The following ESR1 variants were observed in gnomAD, a reference collection of about 807,000 sequenced individuals.
ESR1 encodes the protein estrogen receptor.
ESR1 carries 12 observed loss-of-function variants against 52.7 expected under a neutral mutation model. The ratio of observed to expected loss-of-function variants is 0.23; its 90% confidence interval spans 0.15 to 0.37. The LOEUF is 0.37. ESR1 is among the 10% of genes least tolerant of loss of function. The probability of loss-of-function intolerance (pLI) is 1.00; values close to 1 mark genes in which losing one functional copy is unlikely to be tolerated. For missense variants in ESR1, 584 were observed against 779.7 expected (o/e 0.75, Z 2.99); for synonymous variants, 305 against 316.8 (o/e 0.96, Z 0.39).
chr6:152,009,662 G>A (rs961581743), intron 4 of ESR1, among the ~76,000 whole-genome samples: 7 of 152,088 alleles, frequency 4.6e-5, no homozygotes, highest in Admixed American at 6.6e-5. Context: ...TTTGAAAACA[G>A]TTTGACAGTT....
chr6:152,041,533 G>C (rs2045798004), intron 5 of ESR1, among the ~76,000 whole-genome samples: 1 of 152,206 alleles, frequency 6.6e-6, no homozygotes, highest in Non-Finnish European at 1.5e-5. Flanking sequence ...TGGACCCCTA[G>C]AAGTTTTACT....
chr6:151,852,642 T>TTTG (rs1306299159), intron 2 of ESR1, among the ~76,000 whole-genome samples: 2 of 150,334 alleles, frequency 1.3e-5, no homozygotes, highest in African/African-American at 4.9e-5. Flanking sequence ...AGCAGGTGTT[T>TTTG]TTTTTTTTTT....
At chr6:152,006,939 G>T (rs560212133) in intron 4 of ESR1, among the ~76,000 whole-genome samples, 1 of 152,076 alleles carries the variant, frequency 6.6e-6, no homozygotes, top group African/African-American at 2.4e-5. Flanking sequence ...CAGTGTTTCT[G>T]CTTTGAATCT....
At chr6:152,006,435 G>T (rs1331538238) in intron 4 of ESR1, among the ~76,000 whole-genome samples, 1 of 151,952 alleles carries the variant, frequency 6.6e-6, no homozygotes, top group Admixed American at 6.6e-5. Flanking sequence ...GAACGATAGG[G>T]CCCATGATCC....
chr6:151,943,336 C>T (rs193086949), intron 3 of ESR1, among the ~76,000 whole-genome samples: 688 of 151,276 alleles, frequency 4.5e-3, no homozygotes, highest in Non-Finnish European at 7.3e-3. Flanking sequence ...GCCGAGATCC[C>T]GCCACTGCAC....
At chr6:152,017,615 A>G (rs34087504) in intron 5 of ESR1, among the ~76,000 whole-genome samples, 160 of 152,070 alleles carry the variant, frequency 1.1e-3, no homozygotes, top group African/African-American at 3.7e-3. Context: ...AAAACACAAA[A>G]TATGTCCTCT....
At chr6:151,879,100 A>C (rs919976614) in intron 2 of ESR1, among the ~76,000 whole-genome samples, 2 of 152,094 alleles carry the variant, frequency 1.3e-5, no homozygotes, top group Non-Finnish European at 2.9e-5. Context: ...AGCCCTGAGC[A>C]CCTCTGGCTT....
intron 4 of ESR1, among the ~76,000 whole-genome samples, chr6:151,981,538 C>A (rs2039992671): frequency 6.6e-6 from 1 of 152,142 alleles, no homozygotes; most frequent in Non-Finnish European, 1.5e-5. Flanking sequence ...CTGATGGATG[C>A]TGAGTTTTTC....
chr6:152,004,951 T>C (rs776861978), intron 4 of ESR1, among the ~76,000 whole-genome samples: 2 of 152,070 alleles, frequency 1.3e-5, no homozygotes, highest in Non-Finnish European at 2.9e-5. Flanking sequence ...CTTCAATTTT[T>C]TCTCAAATGA....
At chr6:151,688,205 C>G (rs140639605), upstream of ESR1, among the ~76,000 whole-genome samples, 5 of 152,286 alleles carry the variant, frequency 3.3e-5, no homozygotes, top group East Asian at 9.6e-4. Context: ...TTCATAACAA[C>G]CTTTCTGGAT....
chr6:151,851,373 C>A (rs1015653256), intron 2 of ESR1, among the ~76,000 whole-genome samples: 5 of 151,980 alleles, frequency 3.3e-5, no homozygotes, highest in Non-Finnish European at 7.4e-5. Flanking sequence ...ATGTTCTGTC[C>A]CATACTGACT....
intron 2 of ESR1, among the ~76,000 whole-genome samples, chr6:151,870,733 G>A (rs1260445599): frequency 6.6e-6 from 1 of 152,196 alleles, no homozygotes; most frequent in Non-Finnish European, 1.5e-5. Context: ...TGTGGGTTCT[G>A]CTGCTACCCA....
chr6:151,964,352 C>T (rs929445706), intron 4 of ESR1, among the ~76,000 whole-genome samples: 9 of 151,954 alleles, frequency 5.9e-5, no homozygotes, highest in Non-Finnish European at 1.3e-4. Flanking sequence ...TTTCTTTTAT[C>T]TGTGTTCTGT....
chr6:152,022,712 A>T (rs867240294), intron 5 of ESR1, among the ~76,000 whole-genome samples: 6 of 152,076 alleles, frequency 3.9e-5, no homozygotes, highest in African/African-American at 1.4e-4. Flanking sequence ...TGGCTTACGC[A>T]TGTAATCTCA....
intron 1 of ESR1, among the ~76,000 whole-genome samples, chr6:151,809,530 A>G (rs1008470350): frequency 1.3e-5 from 2 of 152,184 alleles, no homozygotes; most frequent in African/African-American, 4.8e-5. Context: ...CCAACTGTAC[A>G]CTGGTATCCG....
At chr6:152,009,472 T>C (rs2042595826) in intron 4 of ESR1, among the ~76,000 whole-genome samples, 2 of 152,134 alleles carry the variant, frequency 1.3e-5, no homozygotes, top group Non-Finnish European at 1.5e-5. Flanking sequence ...CATGAAAAGA[T>C]GTGCAACCTT....
chr6:152,085,545 C>T (rs1372303766), intron 6 of ESR1, among the ~76,000 whole-genome samples: 2 of 151,960 alleles, frequency 1.3e-5, no homozygotes, highest in African/African-American at 2.4e-5. Context: ...GCTGGAACCA[C>T]CTTGAGGCAT....
chr6:152,078,811 A>G (rs576381137), intron 6 of ESR1, among the ~76,000 whole-genome samples: 15 of 152,370 alleles, frequency 9.8e-5, no homozygotes, highest in African/African-American at 3.6e-4. Flanking sequence ...CTGGAAGACC[A>G]GGAGATACCC....
At chr6:151,865,217 A>C (rs1371196114) in intron 2 of ESR1, among the ~76,000 whole-genome samples, 1 of 152,072 alleles carries the variant, frequency 6.6e-6, no homozygotes, top group Non-Finnish European at 1.5e-5. Flanking sequence ...ACATTACCTT[A>C]TGCTCTACAC....
Sources: allele counts gnomAD v4.1 joint callset (sites outside exome capture counted in the v4.1 genomes callset), GRCh38; gene constraint gnomAD v4.1.1; transcripts MANE v1.5; gene names NCBI Gene and HGNC (gene_info 2026-07-23, HGNC 2026-07-21).